The following EYA4 variants were observed in gnomAD, a reference collection of about 807,000 sequenced individuals.
The protein encoded by EYA4 is protein phosphatase EYA4.
Under a neutral mutation model 87.9 loss-of-function variants are expected in EYA4, and 31 were observed. That is an observed-to-expected ratio of 0.35 (90% CI 0.27 to 0.48). EYA4 has a LOEUF of 0.48. Among genes scored for constraint, EYA4 ranks in the 20% least tolerant of loss-of-function variants. EYA4 has a pLI of 0.99. For missense variants in EYA4, 678 were observed against 761.4 expected (o/e 0.89, Z 1.29); for synonymous variants, 263 against 270.6 (o/e 0.97, Z 0.28).
intron 2 of EYA4, among the ~76,000 whole-genome samples, chr6:133,324,904 ATTTTTTTT>A (rs756478373): frequency 5.4e-4 from 45 of 83,578 alleles, no homozygotes; most frequent in African/African-American, 1.9e-3. Context: ...TTCAGAAGCT[ATTTTTTTT>A]TTTTTTTTTT....
Position 133,529,177 on chromosome 6 carries a change from A to G in EYA4, c.*372A>G. The G allele has an allele frequency of 8.5e-7, 1 of 1,173,976 alleles. No individual in the cohort carries two copies. Among genetic ancestry groups the G allele is most frequent in the South Asian group, 1.8e-5 (1 of 57,094 alleles). The allele number at this position is 1,173,976 out of a possible 1,614,324, so 72.7% of individuals were successfully genotyped here. A position where few individuals can be genotyped will look rare whatever the true frequency, so the allele number is the denominator to read the frequency against. On this transcript the variant is annotated 3_prime_UTR_variant, in exon 20 of 20. Transcript: ENST00000355286. ...TCAACAACATTCCTCAAAATGGGAG[A>G]TCTTCTCAGCCCTGAGGTTTGAATC... is the stretch of plus-strand genomic sequence containing the variant.
At chr6:133,264,668 G>T (rs897346953) in intron 1 of EYA4, among the ~76,000 whole-genome samples, 3 of 152,170 alleles carry the variant, frequency 2.0e-5, no homozygotes, top group African/African-American at 7.2e-5. Flanking sequence ...CTATGCCTGT[G>T]CCGGTTGTGT....
intron 2 of EYA4, among the ~76,000 whole-genome samples, chr6:133,345,604 A>G (rs2128415034): frequency 6.6e-6 from 1 of 152,340 alleles, no homozygotes; most frequent in East Asian, 1.9e-4. Flanking sequence ...TTACTATTTC[A>G]TCACCTGTTT....
intron 2 of EYA4, among the ~76,000 whole-genome samples, chr6:133,341,859 T>G (rs902173899): frequency 6.6e-6 from 1 of 152,214 alleles, no homozygotes; most frequent in African/African-American, 2.4e-5. Flanking sequence ...ATAGCATCTT[T>G]GAAATTTGAT....
chr6:133,333,654 A>G (rs904912280), intron 2 of EYA4, among the ~76,000 whole-genome samples: 3 of 152,198 alleles, frequency 2.0e-5, no homozygotes, highest in African/African-American at 7.2e-5. Flanking sequence ...AACTGGTTCA[A>G]TATTTTAGCC....
intron 2 of EYA4, among the ~76,000 whole-genome samples, chr6:133,346,164 C>T (rs117258173): frequency 0.011 from 1,711 of 152,246 alleles, 16 homozygotes; most frequent in Non-Finnish European, 0.018. Context: ...TTGGTTTATA[C>T]GTTAGTCTTT....
At chr6:133,245,815 G>T (rs1774361611) in intron 1 of EYA4, among the ~76,000 whole-genome samples, 1 of 152,192 alleles carries the variant, frequency 6.6e-6, no homozygotes, top group Non-Finnish European at 1.5e-5. Flanking sequence ...AAGCAACTTT[G>T]ATTGCTTTTA....
intron 9 of EYA4, among the ~76,000 whole-genome samples, chr6:133,463,709 TA>T (rs1794613419): frequency 6.6e-6 from 1 of 152,166 alleles, no homozygotes; most frequent in Non-Finnish European, 1.5e-5. Context: ...AGTGACATAG[TA>T]AAAACTTTAA....
intron 2 of EYA4, among the ~76,000 whole-genome samples, chr6:133,278,597 CA>C (rs1222423863): frequency 4.6e-5 from 7 of 152,128 alleles, no homozygotes; most frequent in Non-Finnish European, 7.4e-5. Context: ...ATGTTATTCT[CA>C]GAGTAGATTA....
At chr6:133,439,872 G>A (rs1338595476) in intron 3 of EYA4, among the ~76,000 whole-genome samples, 1 of 152,144 alleles carries the variant, frequency 6.6e-6, no homozygotes, top group African/African-American at 2.4e-5. Context: ...GCTAAACACA[G>A]GTACTCTAAT....
At chr6:133,469,642 C>T (rs563455687) in intron 11 of EYA4, among the ~76,000 whole-genome samples, 1 of 151,820 alleles carries the variant, frequency 6.6e-6, no homozygotes, top group South Asian at 2.1e-4. Context: ...AATTGGACAT[C>T]TATATGCAAA....
intron 2 of EYA4, among the ~76,000 whole-genome samples, chr6:133,279,116 A>G (rs1441622455): frequency 1.3e-5 from 2 of 152,170 alleles, no homozygotes; most frequent in Admixed American, 6.5e-5. Context: ...AAACATTCAT[A>G]TCAACATGAG....
intron 2 of EYA4, among the ~76,000 whole-genome samples, chr6:133,317,738 A>T (rs571351450): frequency 6.6e-6 from 1 of 151,876 alleles, no homozygotes; most frequent in South Asian, 2.1e-4. Flanking sequence ...TGGGTATCTG[A>T]ATTTCTATAT....
chr6:133,252,414 T>C (rs559746649), intron 1 of EYA4, among the ~76,000 whole-genome samples: 89 of 152,328 alleles, frequency 5.8e-4, no homozygotes, highest in African/African-American at 2.1e-3. Flanking sequence ...AAAATAAATA[T>C]ATTACATGTA....
intron 1 of EYA4, among the ~76,000 whole-genome samples, chr6:133,252,578 T>A (rs1436605477): frequency 6.6e-6 from 1 of 152,144 alleles, no homozygotes; most frequent in Non-Finnish European, 1.5e-5. Context: ...AATTTAAGCA[T>A]ATATGAAACA....
chr6:133,492,217 C>A (rs1280638416), intron 13 of EYA4, among the ~76,000 whole-genome samples: 1 of 152,120 alleles, frequency 6.6e-6, no homozygotes, highest in Non-Finnish European at 1.5e-5. Context: ...CAACAAAATA[C>A]TAGCAAACTG....
At chr6:133,410,798 T>C (rs75279330) in intron 3 of EYA4, among the ~76,000 whole-genome samples, 4,203 of 151,980 alleles carry the variant, frequency 0.028, 98 homozygotes, top group Middle Eastern at 0.048. Flanking sequence ...TGTTAAATTA[T>C]TACCCTCAGG....
At chr6:133,293,717 C>T (rs1392520026) in intron 2 of EYA4, among the ~76,000 whole-genome samples, 1 of 151,930 alleles carries the variant, frequency 6.6e-6, no homozygotes, top group African/African-American at 2.4e-5. Context: ...CAGGGGATTT[C>T]TTGAGCCCAG....
At chr6:133,422,122 C>A (rs375549808) in intron 3 of EYA4, among the ~76,000 whole-genome samples, 5 of 152,082 alleles carry the variant, frequency 3.3e-5, no homozygotes, top group Non-Finnish European at 7.4e-5. Flanking sequence ...CCACTTGCTA[C>A]CTATATAAGG....
Sources: gnomAD v4.1 joint callset for allele counts (sites outside exome capture counted in the v4.1 genomes callset) on GRCh38, gnomAD v4.1.1 for gene constraint, MANE v1.5 for transcripts, NCBI Gene and HGNC (gene_info 2026-07-23, HGNC 2026-07-21) for gene names.